The following ADNP variants were observed in gnomAD, a reference collection of about 807,000 sequenced individuals.
ADNP encodes activity-dependent neuroprotector homeobox protein.
Under a neutral mutation model 84.9 loss-of-function variants are expected in ADNP, and 4 were observed. The observed-to-expected ratio is 0.05, with a 90% CI of 0.02 to 0.11. The LOEUF (loss-of-function observed/expected upper bound fraction) is 0.11. Among genes scored for constraint, ADNP ranks in the 10% least tolerant of loss-of-function variants. The pLI, the probability that ADNP is intolerant of heterozygous loss-of-function variation, is 1.00. For synonymous variants in ADNP, 554 were observed against 468.1 expected, an observed-to-expected ratio of 1.18 and a Z score of -2.37; for missense variants, 1,132 against 1,326.0, an observed-to-expected ratio of 0.85 and a Z score of 2.27.
At chr20:50,917,640 T>C (rs1197707366) in intron 2 of ADNP, among the ~76,000 whole-genome samples, 1 of 152,214 alleles carries the variant, frequency 6.6e-6, no homozygotes, top group Middle Eastern at 3.2e-3. Context: ...AGGGAGTTGG[T>C]AGGAGCCTGG....
At position 50,891,166 on chromosome 20, in the gene ADNP, G is replaced by A; in HGVS notation, c.*239C>T. 1 of 1,289,524 alleles carries A rather than the reference G, an allele frequency of 7.8e-7. No homozygotes were observed. Among genetic ancestry groups the A allele is most frequent in the East Asian group, 3.1e-5 (1 of 32,620 alleles). The allele number at this position is 1,289,524 out of a possible 1,614,324, so 79.9% of individuals were successfully genotyped here. ...TCTGCTTTTCCTCGTGTGTATTCAT[G>A]AGTCACCAGCTTATTGGTTTTTCAC... is the stretch of plus-strand genomic sequence containing the variant. On this transcript the variant is annotated 3_prime_UTR_variant, in exon 6 of 6. Transcript: ENST00000621696.
In ADNP at chr20:50,891,603, T is replaced by G; in HGVS notation, c.3111A>C (p.Glu1037Asp). ...GTGACTGGTCCTTAGACCAAAACCC[T>G]TCAACTTTTCCATAGGAACTATTCT... is the stretch of plus-strand genomic sequence containing the variant. Reference protein sequence around the residue: ...KWKNSSYGKVEGFWSKDQSQW... With the variant: ...KWKNSSYGKVDGFWSKDQSQW... Residue 1037 changes from glutamate (E) to aspartate (D), a missense_variant, in exon 6 of 6, where the codon GAA becomes GAC. Glu to Asp is a conservative substitution (Grantham distance 45). This residue lies in a region of ADNP where 381 missense variants were observed against 319.9 expected (regional missense o/e 1.19). Transcript: ENST00000621696. 6.2e-7 allele frequency: 1 copy of G among 1,613,878 alleles called. No individual in the cohort carries two copies. The highest frequency in any genetic ancestry group is 8.5e-7 in the Non-Finnish European group (1 of 1,180,026).
At position 50,892,005 on chromosome 20, in the gene ADNP, G is replaced by A. The variant is rs1235016637; in HGVS notation, c.2709C>T (p.Ile903=). Reference sequence around the variant, plus strand: ...CATGTTCCTCTGGGTTATCGTTAGAGATTTTAGGTTCAACTTCAAAAACAG... The same window carrying A: ...CATGTTCCTCTGGGTTATCGTTAGAAATTTTAGGTTCAACTTCAAAAACAG... ...FDPVFEVEPK[I]SNDNPEEHVL... Residue 903 remains isoleucine (I), a synonymous_variant, in exon 6 of 6, where the codon ATC becomes ATT. Coordinates refer to ENST00000621696, the MANE Select transcript of ADNP (RefSeq NM_001282531.3). 17 of 1,614,144 alleles carry A rather than the reference G, an allele frequency of 1.1e-5. No individual in the cohort carries two copies. Among genetic ancestry groups the A allele is most frequent in the Non-Finnish European group, 1.4e-5 (17 of 1,180,026 alleles).
chr20:50,897,096 G>A (rs955718881), intron 5 of ADNP, among the ~76,000 whole-genome samples: 1 of 151,920 alleles, frequency 6.6e-6, no homozygotes, highest in African/African-American at 2.4e-5. Context: ...CCACCACCAC[G>A]CCCGGCTAAT....
intron 2 of ADNP, among the ~76,000 whole-genome samples, chr20:50,908,761 G>A (rs1228353434): frequency 2.0e-5 from 3 of 151,448 alleles, no homozygotes; most frequent in Admixed American, 6.6e-5. Context: ...GCGACAGAGT[G>A]AGACTCTGTC....
intron 5 of ADNP, among the ~76,000 whole-genome samples, chr20:50,900,484 C>G (rs1030624607): frequency 6.6e-6 from 1 of 152,210 alleles, no homozygotes; most frequent in African/African-American, 2.4e-5. Flanking sequence ...ATGTGCTATA[C>G]TTCTATGACT....
Position 50,922,352 on chromosome 20 carries a change from TCTGA to T in ADNP, c.-90+6295_-90+6298del, listed in dbSNP as rs1484342421. On this transcript the variant is annotated intron_variant, in intron 2 of 5. Coordinates refer to ENST00000621696, the MANE Select transcript of ADNP (RefSeq NM_001282531.3). ...ACTGTAAGTCTGGGCCTCCAGAACT[TCTGA>T]CTGACACTTCAAGCTGGGGTTCCCA... is the stretch of plus-strand genomic sequence containing the variant. Among the ~76,000 whole-genome samples the T allele has an allele frequency of 5.9e-5, 9 of 152,298 alleles. 1 individual carries two copies. The highest frequency in any genetic ancestry group is 5.2e-4 in the Admixed American group (8 of 15,302).
rs1980943234 is a variant in ADNP, at chr20:50,892,891, G to A, written c.1823C>T (p.Ser608Leu). 3.1e-6 allele frequency: 5 copies of A among 1,614,110 alleles called. No individual in the cohort carries two copies. Among genetic ancestry groups the A allele is most frequent in the Non-Finnish European group, 3.4e-6 (4 of 1,180,052 alleles). Residue 608 changes from serine to leucine, a missense_variant, in exon 6 of 6, where the codon TCA becomes TTA. By Grantham distance (145) the Ser-to-Leu change is moderately radical (BLOSUM62 -2). This residue lies in a region of ADNP where 53 missense variants were observed against 39.8 expected (regional missense o/e 1.33). Coordinates refer to ENST00000621696, the MANE Select transcript of ADNP (RefSeq NM_001282531.3). The part of the protein sequence containing the change: ...QEKADIPVKS[S>L]PQAAVPYKKD... ...TTTATAGGGCACTGCAGCTTGAGGT[G>A]AACTTTTTACAGGGATATCTGCCTT...
Position 50,906,242 on chromosome 20 carries a change from T to G in ADNP, c.-89-1393A>C, listed in dbSNP as rs568422773. 3.9e-5 allele frequency among the ~76,000 whole-genome samples: 6 copies of G among 152,012 alleles called. No individual in the cohort carries two copies. The East Asian group carries it at 1.2e-3, about 29-fold the overall frequency. On this transcript the variant is annotated intron_variant, in intron 2 of 5. Coordinates refer to ENST00000621696, the MANE Select transcript of ADNP (RefSeq NM_001282531.3). ...ACAAACAAAAAACACATACAGTTAC[T>G]ACAAACCAGGTCTTTTAGAGAGAAG...
At position 50,914,196 on chromosome 20, in the gene ADNP, C is replaced by A. The variant is rs1600978496; in HGVS notation, c.-89-9347G>T. The A allele has an allele frequency of 1.2e-5, 9 of 767,246 alleles. No homozygotes were observed. The South Asian group carries it at 1.4e-4, about 12-fold the overall frequency. The allele number at this position is 767,246 out of a possible 1,614,324, so 47.5% of individuals were successfully genotyped here. On this transcript the variant is annotated intron_variant, in intron 2 of 5. Transcript: ENST00000621696. ...AGGGTAACTTCAAGATGATTCATAT[C>A]CTTCTGTACTACAAAGCATCCACAA...
chr20:50,890,898 C>T lies in ADNP; in HGVS notation c.*507G>A. On this transcript the variant is annotated 3_prime_UTR_variant, in exon 6 of 6. Transcript: ENST00000621696. ...AAAAAAGAAATCTATGATGGGCACACAGTAACAGGATCATGAGCATCACTT... is the reference window on the plus strand; with the variant it reads ...AAAAAAGAAATCTATGATGGGCACATAGTAACAGGATCATGAGCATCACTT... 2 of 981,114 alleles carry T rather than the reference C, an allele frequency of 2.0e-6. No individual in the cohort carries two copies. The highest frequency in any genetic ancestry group is 2.4e-6 in the Non-Finnish European group (2 of 825,884). The allele number at this position is 981,114 out of a possible 1,614,324, so 60.8% of individuals were successfully genotyped here.
At chr20:50,930,109 C>T (rs1045812365) in intron 1 of ADNP, among the ~76,000 whole-genome samples, 1 of 152,054 alleles carries the variant, frequency 6.6e-6, no homozygotes, top group Non-Finnish European at 1.5e-5. Flanking sequence ...GTTCACAAAA[C>T]TACTCCCCAT....
In ADNP at chr20:50,914,158, C is replaced by T. The variant is rs530824818; in HGVS notation, c.-89-9309G>A. 1.2e-5 allele frequency: 9 copies of T among 780,018 alleles called. 1 individual carries two copies. The highest frequency in any genetic ancestry group is 4.5e-5 in the South Asian group (3 of 66,520). 48.3% of individuals were successfully genotyped at this position (780,018 alleles called of 1,614,324 possible). ...TCATTATGAGGCTACAGCAAAGCAC[C>T]AGGCCACAGCCAAGGGTAACTTCAA... On this transcript the variant is annotated intron_variant, in intron 2 of 5. Transcript: ENST00000621696.
rs1338957628 is a variant in ADNP, at chr20:50,902,685, A to G, written c.109-576T>C. Among the ~76,000 whole-genome samples, 6 of 152,256 alleles carry G rather than the reference A, an allele frequency of 3.9e-5. No individual in the cohort carries two copies. In the East Asian group the frequency reaches 9.6e-4, roughly 24 times the overall value. On this transcript the variant is annotated intron_variant, in intron 4 of 5. Coordinates refer to ENST00000621696, the MANE Select transcript of ADNP (RefSeq NM_001282531.3). ...ACTTCCCTCCAGACTAGGAAGATTA[A>G]AAGTCTTAGGGTAAAATCCCACTTG...
At chr20:50,905,556 C>T (rs1301822863) in intron 2 of ADNP, 1 of 151,972 alleles carries the variant, frequency 6.6e-6, no homozygotes, top group African/African-American at 2.4e-5. Flanking sequence ...AAAGAGTAAC[C>T]CCTAGAAATT....
intron 4 of ADNP, 75 bp from the exon 5 acceptor site, chr20:50,902,184 C>CA: frequency 9.0e-7 from 1 of 1,111,294 alleles, no homozygotes; most frequent in Non-Finnish European, 1.4e-6. Context: ...TAAATCTCAC[C>CA]TCTTAACTAA....
chr20:50,891,332 G>A lies in ADNP; in HGVS notation c.*73C>T, dbSNP rs1275912698. 3.4e-6 allele frequency: 5 copies of A among 1,477,472 alleles called. No individual in the cohort carries two copies. The highest frequency in any genetic ancestry group is 4.5e-6 in the Non-Finnish European group (5 of 1,121,396). 91.5% of individuals were successfully genotyped at this position (1,477,472 alleles called of 1,614,324 possible). A position where few individuals can be genotyped will look rare whatever the true frequency, so the allele number is the denominator to read the frequency against. On this transcript the variant is annotated 3_prime_UTR_variant, in exon 6 of 6. Coordinates refer to ENST00000621696, the MANE Select transcript of ADNP (RefSeq NM_001282531.3). ...ACTCACAAGGCAGTACCAGTGAGAA[G>A]ACAGCTTTGCAGTCACACTGGATAT...
In ADNP at chr20:50,920,824, C is replaced by G. The variant is rs117398460; in HGVS notation, c.-90+7827G>C. ...ACTATTTTCCTGGACAAAAACTTAC[C>G]TATCAGCCATATGTAAAAAATTTGT... is the stretch of plus-strand genomic sequence containing the variant. On this transcript the variant is annotated intron_variant, in intron 2 of 5. Coordinates refer to ENST00000621696, the MANE Select transcript of ADNP (RefSeq NM_001282531.3). Among the ~76,000 whole-genome samples, 556 of 152,266 alleles carry G rather than the reference C, an allele frequency of 3.7e-3. 3 individuals are homozygous for G. The highest frequency in any genetic ancestry group is 6.7e-3 in the Non-Finnish European group (456 of 68,006).
intron 2 of ADNP, among the ~76,000 whole-genome samples, chr20:50,920,111 T>C (rs2122967281): frequency 6.6e-6 from 1 of 150,486 alleles, no homozygotes; most frequent in Non-Finnish European, 1.5e-5. Flanking sequence ...ACCCCATCTC[T>C]ACTAAAAATA....
Sources: gnomAD v4.1 joint callset for allele counts (sites outside exome capture counted in the v4.1 genomes callset) on GRCh38, gnomAD v4.1.1 for gene constraint, gnomAD v4.1.1 regional missense constraint, MANE v1.5 for transcripts, NCBI Gene and HGNC (gene_info 2026-07-23, HGNC 2026-07-21) for gene names.